The following FRMD6 variants were observed in gnomAD, a reference collection of about 807,000 sequenced individuals.
FRMD6 encodes the protein FERM domain containing 6.
In FRMD6, 37 loss-of-function variants were observed where a neutral mutation model predicts 73.2. That is an observed-to-expected ratio of 0.51 (90% confidence interval 0.39 to 0.66). The LOEUF is 0.66. FRMD6 is among the 30% of genes least tolerant of loss of function. FRMD6 has a pLI of 0.00. For missense variants in FRMD6, 714 were observed against 780.5 expected, an observed-to-expected ratio of 0.91 and a Z score of 1.02; for synonymous variants, 273 against 282.2, an observed-to-expected ratio of 0.97 and a Z score of 0.33.
chr14:51,548,752 A>G (rs1180251687), intron 1 of FRMD6, among the ~76,000 whole-genome samples: 1 of 152,192 alleles, frequency 6.6e-6, no homozygotes, highest in Admixed American at 6.5e-5. Flanking sequence ...TTACCCTGGA[A>G]TTTAAGAGGA....
At chr14:51,644,707 A>G (rs1891986856) in intron 2 of FRMD6, among the ~76,000 whole-genome samples, 2 of 152,242 alleles carry the variant, frequency 1.3e-5, no homozygotes, top group South Asian at 2.1e-4. Flanking sequence ...AAATTGGGGT[A>G]TAAGTGTGAC....
At chr14:51,624,260 C>T (rs2139940594) in intron 2 of FRMD6, among the ~76,000 whole-genome samples, 1 of 152,224 alleles carries the variant, frequency 6.6e-6, no homozygotes, top group Middle Eastern at 3.4e-3. Context: ...AAATGCTTAC[C>T]TATGTAACAA....
chr14:51,439,268 T>C, the FRMD6 span, among the ~76,000 whole-genome samples: 1 of 152,206 alleles, frequency 6.6e-6, no homozygotes, highest in Non-Finnish European at 1.5e-5. Context: ...CATCACTGTA[T>C]AGGAATCAGG....
At chr14:51,511,228 T>C (rs1459106080) in intron 1 of FRMD6, among the ~76,000 whole-genome samples, 1 of 152,258 alleles carries the variant, frequency 6.6e-6, no homozygotes, top group East Asian at 1.9e-4. Flanking sequence ...TACAGTTATT[T>C]ACTTGTAACC....
intron 1 of FRMD6, among the ~76,000 whole-genome samples, chr14:51,505,611 T>C (rs925918611): frequency 7.2e-5 from 11 of 152,070 alleles, no homozygotes; most frequent in African/African-American, 2.7e-4. Context: ...CTCTCCAGAG[T>C]CCAAAATCCA....
intron 2 of FRMD6, among the ~76,000 whole-genome samples, chr14:51,607,033 G>T (rs957215935): frequency 6.5e-4 from 99 of 152,132 alleles, no homozygotes; most frequent in African/African-American, 2.3e-3. Flanking sequence ...CGGGTCCCCA[G>T]TAGATTGAAT....
chr14:51,555,495 G>A (rs1566811232), intron 1 of FRMD6, among the ~76,000 whole-genome samples: 2 of 152,104 alleles, frequency 1.3e-5, no homozygotes, highest in African/African-American at 4.8e-5. Context: ...GATGTAGTCT[G>A]CTCCTGGTTA....
At chr14:51,712,009 TTTAGTGA>T (rs1380001881) in intron 8 of FRMD6, among the ~76,000 whole-genome samples, 1 of 152,212 alleles carries the variant, frequency 6.6e-6, no homozygotes, top group Non-Finnish European at 1.5e-5. Context: ...TCCGTTATAC[TTTAGTGA>T]TGAAACTTAC....
At chr14:51,516,685 A>G (rs1022606408) in intron 1 of FRMD6, among the ~76,000 whole-genome samples, 2 of 152,198 alleles carry the variant, frequency 1.3e-5, no homozygotes, top group Non-Finnish European at 2.9e-5. Flanking sequence ...GTCTCAAATA[A>G]ACGTAAAAAG....
intron 5 of FRMD6, among the ~76,000 whole-genome samples, chr14:51,703,723 AG>A (rs1261243566): frequency 4.6e-5 from 7 of 152,028 alleles, no homozygotes; most frequent in African/African-American, 1.2e-4. Context: ...CTCTGTCCTA[AG>A]GGGGGAAAAT....
the FRMD6 span, among the ~76,000 whole-genome samples, chr14:51,469,713 T>C: frequency 6.6e-6 from 1 of 152,226 alleles, no homozygotes; most frequent in East Asian, 1.9e-4. Context: ...AATTTTTGTC[T>C]ATCATGAGAA....
chr14:51,605,832 G>A (rs1234315374), intron 2 of FRMD6, among the ~76,000 whole-genome samples: 1 of 152,170 alleles, frequency 6.6e-6, no homozygotes, highest in Non-Finnish European at 1.5e-5. Flanking sequence ...CATCTGTAAA[G>A]GGAATTCAAG....
intron 1 of FRMD6, among the ~76,000 whole-genome samples, chr14:51,677,815 A>C (rs1263407863): frequency 1.3e-5 from 2 of 152,114 alleles, no homozygotes; most frequent in Non-Finnish European, 2.9e-5. Context: ...GCCCCTGTTC[A>C]GTGCTGAAGG....
In FRMD6 at chr14:51,711,532, A is replaced by G; in HGVS notation, c.716A>G (p.Asp239Gly). ...VAVHYYRLYKDKREIEASLTL... is the reference protein window; with the variant it reads ...VAVHYYRLYKGKREIEASLTL... The stretch of plus-strand genomic sequence containing the variant: ...TTTTATAAAATCCTATTCCTACAGG[A>G]TAAAAGGGAAATTGAAGCATCGCTG... Residue 239 changes from aspartate (D) to glycine (G), a missense_variant and splice_region_variant, in exon 8 of 14, where the codon GAT becomes GGT. Coordinates refer to ENST00000344768, the MANE Select transcript of FRMD6 (RefSeq NM_001267046.2). 6.3e-7 allele frequency: 1 copy of G among 1,596,296 alleles called. No homozygotes were observed. The highest frequency in any genetic ancestry group is 8.6e-7 in the Non-Finnish European group (1 of 1,165,400).
At chr14:51,645,347 G>C (rs1042136289) in intron 2 of FRMD6, among the ~76,000 whole-genome samples, 2 of 152,150 alleles carry the variant, frequency 1.3e-5, no homozygotes, top group Admixed American at 1.3e-4. Flanking sequence ...AACCACCATG[G>C]ACAGGTAGGG....
chr14:51,479,593 T>A, the FRMD6 span, among the ~76,000 whole-genome samples: 1 of 152,364 alleles, frequency 6.6e-6, no homozygotes, highest in Middle Eastern at 3.4e-3. Context: ...ATAATAAAAC[T>A]ATTTATCCCA....
intron 2 of FRMD6, among the ~76,000 whole-genome samples, chr14:51,597,863 C>T (rs767483110): frequency 5.9e-5 from 9 of 152,110 alleles, no homozygotes; most frequent in East Asian, 1.9e-4. Flanking sequence ...TGGAGTGCAG[C>T]GCCCAAGGCT....
chr14:51,479,295 A>T, the FRMD6 span, among the ~76,000 whole-genome samples: 1 of 152,084 alleles, frequency 6.6e-6, no homozygotes, highest in Non-Finnish European at 1.5e-5. Context: ...AAACATGTTC[A>T]CTCTTATAGG....
intron 2 of FRMD6, among the ~76,000 whole-genome samples, chr14:51,646,519 G>A: frequency 6.6e-6 from 1 of 151,776 alleles, no homozygotes; most frequent in Non-Finnish European, 1.5e-5. Flanking sequence ...GTATCCTAAT[G>A]GGAGTGGAGG....
Sources: allele counts gnomAD v4.1 joint callset (sites outside exome capture counted in the v4.1 genomes callset), GRCh38; gene constraint gnomAD v4.1.1; transcripts MANE v1.5; gene names NCBI Gene and HGNC (gene_info 2026-07-23, HGNC 2026-07-21).